Variants in AFF3 observed in about 807,000 individuals in gnomAD.
The protein encoded by AFF3 is AF4/FMR2 family member 3.
Under a neutral mutation model 129.7 loss-of-function variants are expected in AFF3, and 32 were observed. The observed-to-expected ratio is 0.25, with a 90% CI of 0.19 to 0.33. AFF3 has a LOEUF of 0.33. Ranked by LOEUF, AFF3 falls within the 10% of genes least tolerant of loss-of-function variation. The pLI, the probability that AFF3 is intolerant of heterozygous loss-of-function variation, is 1.00. For missense variants in AFF3, 1,373 were observed against 1,592.0 expected (o/e 0.86, Z 2.34); for synonymous variants, 644 against 635.4 (o/e 1.01, Z -0.20).
chr2:100,114,781 A>G (rs1691666894), intron 2 of AFF3, among the ~76,000 whole-genome samples: 2 of 152,208 alleles, frequency 1.3e-5, no homozygotes, highest in African/African-American at 2.4e-5. Context: ...TGAGCAACAC[A>G]TTGAGAGCTC....
In AFF3 at chr2:99,593,188, G is replaced by A. The variant is rs754430368; in HGVS notation, c.2466+7C>T. The A allele has an allele frequency of 7.7e-6, 12 of 1,565,618 alleles. No homozygotes were observed. Among genetic ancestry groups the A allele is most frequent in the Admixed American group, 7.2e-5 (4 of 55,924 alleles). ...CGCCCCCGCACCCCAGTCAGCCCCA[G>A]GCCTACCTTGCGTTTCCTCTTGGAT... On this transcript the variant is annotated splice_region_variant and intron_variant, in intron 15 of 24. Coordinates refer to ENST00000672756, the MANE Select transcript of AFF3 (RefSeq NM_001386135.1).
chr2:99,711,811 G>C (rs1390881921), intron 11 of AFF3, among the ~76,000 whole-genome samples: 3 of 152,136 alleles, frequency 2.0e-5, no homozygotes, highest in Non-Finnish European at 4.4e-5. Flanking sequence ...ATAACATTGG[G>C]AGGAAGCACA....
chr2:99,911,390 G>GAA (rs34700536), intron 7 of AFF3, among the ~76,000 whole-genome samples: 16 of 128,384 alleles, frequency 1.2e-4, no homozygotes, highest in Non-Finnish European at 1.5e-4. Context: ...TTCATCTCTG[G>GAA]AAAAAAAAAA....
intron 8 of AFF3, among the ~76,000 whole-genome samples, chr2:99,811,306 A>G (rs1686770345): frequency 6.6e-6 from 1 of 152,228 alleles, no homozygotes; most frequent in African/African-American, 2.4e-5. Flanking sequence ...TTTGCAAAGC[A>G]CTTTGACATT....
At chr2:99,941,370 T>C (rs1675027415) in intron 7 of AFF3, among the ~76,000 whole-genome samples, 1 of 152,222 alleles carries the variant, frequency 6.6e-6, no homozygotes, top group Non-Finnish European at 1.5e-5. Context: ...GGCAGTTTAA[T>C]GATGTACCAC....
At chr2:100,020,085 C>CT (rs1411250070) in intron 4 of AFF3, among the ~76,000 whole-genome samples, 1 of 152,172 alleles carries the variant, frequency 6.6e-6, no homozygotes, top group African/African-American at 2.4e-5. Context: ...TCTATACTTG[C>CT]TGTCTCTCTC....
Position 99,560,409 on chromosome 2 carries a change from T to C in AFF3, c.3147A>G (p.Ser1049=). 6.2e-7 allele frequency: 1 copy of C among 1,614,130 alleles called. No homozygotes were observed. The highest frequency in any genetic ancestry group is 8.5e-7 in the Non-Finnish European group (1 of 1,179,984). The change falls in exon 21 of 25, where the codon TCA becomes TCG. Residue 1049 remains serine, a synonymous_variant. Coordinates refer to ENST00000672756, the MANE Select transcript of AFF3 (RefSeq NM_001386135.1). ...TGTCTTCTGGTGTGGCATTGGGGCCTGAGTGGGTTTTTAGTCTCATAGCAT... is the reference window on the plus strand; with the variant it reads ...TGTCTTCTGGTGTGGCATTGGGGCCCGAGTGGGTTTTTAGTCTCATAGCAT... The part of the protein sequence containing the change: ...IRYAMRLKTH[S]GPNATPEDKQ...
chr2:100,005,640 T>C (rs932496567), intron 7 of AFF3, among the ~76,000 whole-genome samples: 1 of 152,258 alleles, frequency 6.6e-6, no homozygotes, highest in African/African-American at 2.4e-5. Flanking sequence ...AGTTACGGTA[T>C]ACCTGTCACT....
intron 2 of AFF3, among the ~76,000 whole-genome samples, chr2:100,127,169 G>C (rs1227618282): frequency 6.6e-6 from 1 of 152,126 alleles, no homozygotes; most frequent in Non-Finnish European, 1.5e-5. Context: ...AAAAATGACC[G>C]AGGCTCCCCT....
intron 4 of AFF3, among the ~76,000 whole-genome samples, chr2:100,098,966 G>A (rs1690495880): frequency 8.1e-6 from 1 of 122,884 alleles, no homozygotes; most frequent in Admixed American, 7.6e-5. Context: ...AGCCCTGGAA[G>A]CCTCTCTTCT....
At chr2:100,137,384 A>C (rs891271573) in intron 1 of AFF3, among the ~76,000 whole-genome samples, 4 of 152,200 alleles carry the variant, frequency 2.6e-5, no homozygotes, top group African/African-American at 9.7e-5. Context: ...TCTTTGCTTC[A>C]AAAAATATTG....
chr2:99,705,811 T>A (rs1246036318), intron 11 of AFF3, among the ~76,000 whole-genome samples: 9 of 137,878 alleles, frequency 6.5e-5, no homozygotes, highest in African/African-American at 2.5e-4. Flanking sequence ...GAGGCGGAGG[T>A]TGCAGTGAGC....
At chr2:99,646,659 G>A (rs986478312) in intron 13 of AFF3, among the ~76,000 whole-genome samples, 1 of 152,118 alleles carries the variant, frequency 6.6e-6, no homozygotes, top group Non-Finnish European at 1.5e-5. Context: ...CCCACCCTGA[G>A]GTTCCTCTGG....
At chr2:100,006,495 A>T in intron 7 of AFF3, 137 bp downstream of exon 7, 1 of 1,109,968 alleles carries the variant, frequency 9.0e-7, no homozygotes, top group Middle Eastern at 2.8e-4. Context: ...CTCCCCTTTC[A>T]GTGACTGCTA....
intron 4 of AFF3, among the ~76,000 whole-genome samples, chr2:100,069,252 T>A (rs1351148769): frequency 6.6e-6 from 1 of 152,146 alleles, no homozygotes; most frequent in African/African-American, 2.4e-5. Flanking sequence ...AGGTGTTTAT[T>A]AGAATCAAAT....
intron 7 of AFF3, among the ~76,000 whole-genome samples, chr2:99,914,122 G>C (rs1400433628): frequency 6.6e-6 from 1 of 152,094 alleles, no homozygotes; most frequent in East Asian, 1.9e-4. Flanking sequence ...GGAGAAACTT[G>C]GCAGATACCC....
Position 99,766,214 on chromosome 2 carries a change from T to C in AFF3, c.922-13913A>G, listed in dbSNP as rs1018105749. Among the ~76,000 whole-genome samples, 10 of 152,304 alleles carry C rather than the reference T, an allele frequency of 6.6e-5. No homozygotes were observed. In the Middle Eastern group the frequency reaches 0.01, roughly 155 times the overall value. On this transcript the variant is annotated intron_variant, in intron 8 of 24. Transcript: ENST00000672756. ...GCCAGGATCAAAGTTCCCGGTCAGG[T>C]GGGACTTCTGGTTTACCAGAGGGAA...
At chr2:99,581,476 C>G (rs1459215241) in intron 17 of AFF3, among the ~76,000 whole-genome samples, 1 of 152,116 alleles carries the variant, frequency 6.6e-6, no homozygotes, top group Non-Finnish European at 1.5e-5. Flanking sequence ...GTGTTACACA[C>G]TGCTCCCTCC....
chr2:99,787,406 C>A (rs1164657572), intron 8 of AFF3, among the ~76,000 whole-genome samples: 2 of 152,174 alleles, frequency 1.3e-5, no homozygotes, highest in East Asian at 3.9e-4. Context: ...CACACCTGCG[C>A]CGCCACCCCT....
Sources: allele counts gnomAD v4.1 joint callset (sites outside exome capture counted in the v4.1 genomes callset), GRCh38; gene constraint gnomAD v4.1.1; transcripts MANE v1.5; gene names NCBI Gene and HGNC (gene_info 2026-07-23, HGNC 2026-07-21).